VPS13D: variants seen among roughly 807,000 people sequenced by gnomAD.
The protein encoded by VPS13D is intermembrane lipid transfer protein VPS13D.
Under a neutral mutation model 461.9 loss-of-function variants are expected in VPS13D, and 187 were observed. The ratio of observed to expected loss-of-function variants is 0.40; its 90% CI spans 0.36 to 0.46. VPS13D has a LOEUF of 0.46. Ranked by LOEUF, VPS13D falls within the 20% of genes least tolerant of loss-of-function variation. The probability of loss-of-function intolerance (pLI) is 0.60; values close to 1 mark genes in which losing one functional copy is unlikely to be tolerated. For synonymous variants in VPS13D, 1,951 were observed against 1,986.3 expected (o/e 0.98, Z 0.47); for missense variants, 4,711 against 5,364.9 (o/e 0.88, Z 3.81).
At chr1:12,285,980 TTCCTTTCCTTTCCTCTCCTC>T (rs1200755247) in intron 21 of VPS13D, among the ~76,000 whole-genome samples, 30 of 108,564 alleles carry the variant, frequency 2.8e-4, no homozygotes, top group East Asian at 8.5e-4. Context: ...TTCCTTTCCT[TTCCTTTCCTTTCCTCTCCTC>T]TCCTCTCCTC....
chr1:12,345,157 TACTC>T (rs773673642), intron 42 of VPS13D: 21 of 483,780 alleles, frequency 4.3e-5, no homozygotes, highest in African/African-American at 5.7e-5. Context: ...ATGCCACTCT[TACTC>T]AGTCAAGCTT....
intron 38 of VPS13D, among the ~76,000 whole-genome samples, chr1:12,334,192 A>AC (rs551281405): frequency 6.6e-5 from 10 of 152,168 alleles, no homozygotes; most frequent in South Asian, 4.2e-4. Flanking sequence ...AAGTTTGTTG[A>AC]CCCCCCAAAT....
chr1:12,255,313 A>T (rs1640882717), intron 7 of VPS13D, among the ~76,000 whole-genome samples: 1 of 152,236 alleles, frequency 6.6e-6, no homozygotes, highest in African/African-American at 2.4e-5. Flanking sequence ...GCTATAAATA[A>T]TAAAGGTAAA....
intron 23 of VPS13D, among the ~76,000 whole-genome samples, chr1:12,291,600 G>T (rs756331256): frequency 6.6e-5 from 10 of 152,168 alleles, no homozygotes; most frequent in Non-Finnish European, 1.2e-4. Context: ...TCCAGCCTGG[G>T]TGATGGAGGG....
chr1:12,390,416 A>G (rs1228021241), intron 60 of VPS13D, among the ~76,000 whole-genome samples: 1 of 152,186 alleles, frequency 6.6e-6, no homozygotes, highest in East Asian at 1.9e-4. Context: ...ACATGGTAAG[A>G]CCAGTGAATT....
rs1208806618 is a variant in VPS13D, at chr1:12,327,661, G to A, written c.8004G>A (p.Lys2668=). 3.7e-6 allele frequency: 6 copies of A among 1,614,064 alleles called. 1 individual carries two copies. In the South Asian group the frequency reaches 5.5e-5, roughly 15 times the overall value. ...ALLACQGQLK[K]AASWLFKNAE... is the part of the protein sequence containing the mutation. Reference sequence around the variant, plus strand: ...ATTTCTTTGAAGGCCAATTGAAAAAGGCAGCAAGTTGGTTGTTTAAGAATG... The same window carrying A: ...ATTTCTTTGAAGGCCAATTGAAAAAAGCAGCAAGTTGGTTGTTTAAGAATG... The change falls in exon 36 of 70, where the codon AAG becomes AAA. Residue 2668 remains lysine (K), a synonymous_variant. Coordinates refer to ENST00000620676, the MANE Select transcript of VPS13D (RefSeq NM_015378.4).
chr1:12,401,365 C>T (rs1227234994), intron 61 of VPS13D, among the ~76,000 whole-genome samples: 2 of 152,178 alleles, frequency 1.3e-5, no homozygotes, highest in East Asian at 3.9e-4. Context: ...GGAATCCTGA[C>T]TAATGAGGCC....
In VPS13D at chr1:12,253,751, A is replaced by T; in HGVS notation, c.594A>T (p.Leu198Phe). ...AGAAACTAATGCGGAAAAAGCAATTAGACGTAGCAGAATTTAGCATCTATT... is the reference window on the plus strand; with the variant it reads ...AGAAACTAATGCGGAAAAAGCAATTTGACGTAGCAGAATTTAGCATCTATT... Reference protein sequence around the residue: ...PVQKLMRKKQLDVAEFSIYWD... With the variant: ...PVQKLMRKKQFDVAEFSIYWD... The change falls in exon 7 of 70, where the codon TTA (leucine) becomes TTT (phenylalanine). Residue 198 changes from leucine (L) to phenylalanine (F), a missense_variant. Around this residue, in one of 3 missense-constraint regions of VPS13D, gnomAD observed 4,411 missense variants for 4,937.8 expected, o/e 0.89. Transcript: ENST00000620676. 6.2e-7 allele frequency: 1 copy of T among 1,614,200 alleles called. No homozygotes were observed. The highest frequency in any genetic ancestry group is 1.1e-5 in the South Asian group (1 of 91,092).
intron 35 of VPS13D, among the ~76,000 whole-genome samples, chr1:12,325,374 C>T (rs371251214): frequency 1.3e-5 from 2 of 152,188 alleles, no homozygotes; most frequent in East Asian, 3.9e-4. Flanking sequence ...ATACTCCTGC[C>T]TCAGCCTTCT....
rs61588046 is a variant in VPS13D, at chr1:12,352,965, CAAAAAAAAAAAAAAA to C, written c.9432-992_9432-978del. ...GGGCAATAAGAGTGAAACTCAGTCT[CAAAAAAAAAAAAAAA>C]AAAAAAAAAAAAAAAAGGACCCAGC... is the stretch of plus-strand genomic sequence containing the variant. On this transcript the variant is annotated intron_variant, in intron 46 of 69. Coordinates refer to ENST00000620676, the MANE Select transcript of VPS13D (RefSeq NM_015378.4). 9.1e-4 allele frequency among the ~76,000 whole-genome samples: 16 copies of C among 17,590 alleles called. 1 individual carries two copies. The highest frequency in any genetic ancestry group is 4.6e-3 in the South Asian group (1 of 218). 11.5% of individuals were successfully genotyped at this position (17,590 alleles called of 152,430 possible).
intron 24 of VPS13D, among the ~76,000 whole-genome samples, chr1:12,294,966 T>C (rs1642234119): frequency 6.6e-6 from 1 of 151,586 alleles, no homozygotes; most frequent in African/African-American, 2.4e-5. Context: ...CTCACACCTG[T>C]AATCCCAGCA....
chr1:12,328,120 C>G (rs938718589), intron 36 of VPS13D, among the ~76,000 whole-genome samples: 2 of 152,102 alleles, frequency 1.3e-5, no homozygotes, highest in African/African-American at 4.8e-5. Context: ...AATTCCTGAT[C>G]TCTTCATTTT....
At chr1:12,404,010 T>C in intron 63 of VPS13D, 37 bp downstream of exon 63, 2 of 1,562,820 alleles carry the variant, frequency 1.3e-6, no homozygotes, top group Non-Finnish European at 1.7e-6. Flanking sequence ...TTAGATGATT[T>C]TTCCTTGGAA....
chr1:12,385,180 C>T (rs1416785164), intron 58 of VPS13D, 80 bp from the exon 59 acceptor site: 2 of 1,118,212 alleles, frequency 1.8e-6, no homozygotes, highest in Non-Finnish European at 2.7e-6. Flanking sequence ...GACTTTTGAC[C>T]TACACAGTTG....
chr1:12,463,039 C>T (rs1328996606), intron 67 of VPS13D, among the ~76,000 whole-genome samples: 1 of 152,112 alleles, frequency 6.6e-6, no homozygotes, highest in Non-Finnish European at 1.5e-5. Flanking sequence ...ACTGCAAGTT[C>T]CAACTTTGTA....
chr1:12,338,040 A>G, intron 39 of VPS13D, 191 bp from the exon 40 acceptor site: 1 of 502,810 alleles, frequency 2.0e-6, no homozygotes, highest in East Asian at 3.0e-5. Flanking sequence ...AATAAAAACT[A>G]GCATAAAAAT....
intron 50 of VPS13D, among the ~76,000 whole-genome samples, chr1:12,361,241 T>C (rs2101612027): frequency 6.6e-6 from 1 of 152,220 alleles, no homozygotes; most frequent in East Asian, 1.9e-4. Context: ...GTTATTTTTA[T>C]TATTTCTATG....
intron 21 of VPS13D, among the ~76,000 whole-genome samples, chr1:12,286,774 T>G (rs1641986557): frequency 1.3e-5 from 2 of 152,224 alleles, no homozygotes; most frequent in Non-Finnish European, 2.9e-5. Context: ...GTGGTGGTGG[T>G]GGTGGTTGGA....
intron 62 of VPS13D, chr1:12,402,616 G>A (rs1644595406): frequency 1.3e-5 from 2 of 152,206 alleles, no homozygotes; most frequent in South Asian, 4.1e-4. Context: ...GCAAGATCCT[G>A]TCTGTTTAAT....
Sources: allele counts gnomAD v4.1 joint callset (sites outside exome capture counted in the v4.1 genomes callset), GRCh38; gene constraint gnomAD v4.1.1; regional missense constraint gnomAD v4.1.1; transcripts MANE v1.5; gene names NCBI Gene and HGNC (gene_info 2026-07-23, HGNC 2026-07-21).